Variants in PPP3CA observed in about 807,000 individuals in gnomAD.
PPP3CA encodes the protein CAM-PRP catalytic subunit.
Under a neutral mutation model 66.5 loss-of-function variants are expected in PPP3CA, and 14 were observed. That is an observed-to-expected ratio of 0.21 (90% confidence interval 0.14 to 0.33). The LOEUF is 0.33. Among genes scored for constraint, PPP3CA ranks in the 10% least tolerant of loss-of-function variants. PPP3CA has a pLI of 1.00. For missense variants in PPP3CA, 317 were observed against 639.5 expected, an observed-to-expected ratio of 0.50 and a Z score of 5.44; for synonymous variants, 232 against 226.2, an observed-to-expected ratio of 1.03 and a Z score of -0.23.
intron 2 of PPP3CA, among the ~76,000 whole-genome samples, chr4:101,133,330 G>A (rs1722510524): frequency 6.6e-6 from 1 of 152,186 alleles, no homozygotes; most frequent in Non-Finnish European, 1.5e-5. Context: ...CTGACGACAA[G>A]ATTGTATATT....
At chr4:101,251,509 T>C (rs1726676451) in intron 1 of PPP3CA, among the ~76,000 whole-genome samples, 1 of 152,084 alleles carries the variant, frequency 6.6e-6, no homozygotes, top group Non-Finnish European at 1.5e-5. Context: ...TGACTAGTTC[T>C]TCAGAATAGA....
chr4:101,088,158 G>A (rs879391965), intron 6 of PPP3CA, among the ~76,000 whole-genome samples: 26 of 152,142 alleles, frequency 1.7e-4, no homozygotes, highest in Non-Finnish European at 2.2e-4. Flanking sequence ...GTGTGTGTGC[G>A]CGTGTGTGTA....
At chr4:101,258,962 T>G (rs1341179748) in intron 1 of PPP3CA, among the ~76,000 whole-genome samples, 1 of 152,174 alleles carries the variant, frequency 6.6e-6, no homozygotes, top group Non-Finnish European at 1.5e-5. Context: ...TGGTTTCTGC[T>G]TCTGAGTTGT....
At chr4:101,128,659 C>T (rs1307757450) in intron 2 of PPP3CA, among the ~76,000 whole-genome samples, 2 of 151,838 alleles carry the variant, frequency 1.3e-5, no homozygotes, top group Non-Finnish European at 2.9e-5. Context: ...GAAACTCCCT[C>T]CTCTAGCCAA....
chr4:101,209,219 A>G (rs1725230098), intron 1 of PPP3CA, among the ~76,000 whole-genome samples: 1 of 152,158 alleles, frequency 6.6e-6, no homozygotes. Context: ...AAAATAAACA[A>G]TTTTTTATGA....
intron 3 of PPP3CA, among the ~76,000 whole-genome samples, chr4:101,105,460 A>G (rs76570990): frequency 0.074 from 11,215 of 151,700 alleles, 1,360 homozygotes; most frequent in African/African-American, 0.25. Context: ...CACCACACCC[A>G]GCAACATCTT....
At chr4:101,032,188 T>A in intron 12 of PPP3CA, 79 bp downstream of exon 12, 1 of 1,112,728 alleles carries the variant, frequency 9.0e-7, no homozygotes, top group Non-Finnish European at 1.2e-6. Context: ...AGAGCTTAAA[T>A]GAATGAATAA....
At chr4:101,307,257 T>C (rs1184033851) in intron 1 of PPP3CA, among the ~76,000 whole-genome samples, 2 of 151,296 alleles carry the variant, frequency 1.3e-5, no homozygotes, top group Non-Finnish European at 2.9e-5. Context: ...TGTCTGAGGG[T>C]AAGATATGTT....
intron 2 of PPP3CA, among the ~76,000 whole-genome samples, chr4:101,162,159 G>C (rs1385585875): frequency 2.0e-5 from 3 of 152,068 alleles, no homozygotes; most frequent in East Asian, 3.9e-4. Flanking sequence ...AGAACCACTT[G>C]AACCTAGGAG....
At chr4:101,073,081 C>T (rs981138854) in intron 8 of PPP3CA, among the ~76,000 whole-genome samples, 12 of 151,504 alleles carry the variant, frequency 7.9e-5, no homozygotes, top group Admixed American at 5.9e-4. Context: ...TGAGAGGAGA[C>T]ATTCTGTTGA....
intron 10 of PPP3CA, among the ~76,000 whole-genome samples, chr4:101,046,178 G>A (rs955234075): frequency 8.6e-5 from 13 of 151,966 alleles, no homozygotes; most frequent in Non-Finnish European, 1.3e-4. Flanking sequence ...CTGAACTGGC[G>A]GGATTTTGTT....
At chr4:101,328,168 A>T (rs1014364576) in intron 1 of PPP3CA, among the ~76,000 whole-genome samples, 2 of 152,130 alleles carry the variant, frequency 1.3e-5, no homozygotes, top group Non-Finnish European at 2.9e-5. Flanking sequence ...TTACACCTAA[A>T]CCTATGACCT....
chr4:101,133,631 A>G (rs1207821567), intron 2 of PPP3CA, among the ~76,000 whole-genome samples: 4 of 152,266 alleles, frequency 2.6e-5, no homozygotes, highest in African/African-American at 9.6e-5. Flanking sequence ...ATGCTCATGG[A>G]TAGGAAGGAT....
intron 2 of PPP3CA, among the ~76,000 whole-genome samples, chr4:101,187,630 G>A (rs4698918): frequency 0.34 from 51,978 of 151,954 alleles, 10,940 homozygotes; most frequent in Non-Finnish European, 0.47. Context: ...TAAAACATAA[G>A]AAAGAGAATT....
chr4:101,159,230 C>A (rs1468687398), intron 2 of PPP3CA, among the ~76,000 whole-genome samples: 1 of 152,168 alleles, frequency 6.6e-6, no homozygotes, highest in Non-Finnish European at 1.5e-5. Flanking sequence ...AAAGTTGGAA[C>A]TGGAAAAGAA....
intron 8 of PPP3CA, among the ~76,000 whole-genome samples, chr4:101,074,429 G>C (rs1033080280): frequency 3.3e-5 from 5 of 152,156 alleles, no homozygotes; most frequent in African/African-American, 1.2e-4. Flanking sequence ...TTGTGGTATA[G>C]TATGGAATGA....
In PPP3CA at chr4:101,333,270, G is replaced by GTTTTTTTTTT. The variant is rs70961788; in HGVS notation, c.58+13459_58+13468dup. Reference sequence around the variant, plus strand: ...CTACAGGCATGCACTACCATGCCCAGTTTTTTTTTTTTTTTTTTTTTTTTT... The same window carrying GTTTTTTTTTT: ...CTACAGGCATGCACTACCATGCCCAGTTTTTTTTTTTTTTTTTTTTTTTTTTTTTTTTTTT... On this transcript the variant is annotated intron_variant, in intron 1 of 13. Transcript: ENST00000394854. Among the ~76,000 whole-genome samples the GTTTTTTTTTT allele has an allele frequency of 6.3e-4, 30 of 47,264 alleles. 3 individuals are homozygous for GTTTTTTTTTT. Among genetic ancestry groups the GTTTTTTTTTT allele is most frequent in the Non-Finnish European group, 1.1e-3 (23 of 20,148 alleles). 31.0% of individuals were successfully genotyped at this position (47,264 alleles called of 152,430 possible).
intron 1 of PPP3CA, among the ~76,000 whole-genome samples, chr4:101,309,416 C>T (rs996540735): frequency 1.3e-5 from 2 of 151,766 alleles, no homozygotes; most frequent in Admixed American, 6.6e-5. Context: ...GGCAGCCAGG[C>T]TTCTAAAGCA....
At chr4:101,324,062 C>T (rs1485899853) in intron 1 of PPP3CA, among the ~76,000 whole-genome samples, 1 of 150,752 alleles carries the variant, frequency 6.6e-6, no homozygotes, top group African/African-American at 2.4e-5. Flanking sequence ...GCAGTGAGAT[C>T]GCACCACTGC....
Sources: allele counts gnomAD v4.1 joint callset (sites outside exome capture counted in the v4.1 genomes callset), GRCh38; gene constraint gnomAD v4.1.1; transcripts MANE v1.5; gene names NCBI Gene and HGNC (gene_info 2026-07-23, HGNC 2026-07-21).